RBFOX1: variants seen among roughly 807,000 people sequenced by gnomAD.
The protein encoded by RBFOX1 is RNA binding protein fox-1 homolog 1.
A neutral mutation model predicts 57.7 loss-of-function variants in RBFOX1; 8 were observed. The observed-to-expected ratio is 0.14, with a 90% CI of 0.08 to 0.25. RBFOX1 has a LOEUF of 0.25. Ranked by LOEUF, RBFOX1 falls within the 10% of genes least tolerant of loss-of-function variation. RBFOX1 has a pLI of 1.00. For missense variants in RBFOX1, 611 were observed against 548.5 expected (o/e 1.11, Z -1.14); for synonymous variants, 326 against 222.4 (o/e 1.47, Z -4.15).
chr16:6,709,687 T>C (rs2063385974), intron 3 of RBFOX1, among the ~76,000 whole-genome samples: 1 of 152,100 alleles, frequency 6.6e-6, no homozygotes, highest in Non-Finnish European at 1.5e-5. Flanking sequence ...TGCTGAAGGG[T>C]TTATTGTAAT....
At chr16:7,085,200 T>C (rs997285855) in intron 4 of RBFOX1, among the ~76,000 whole-genome samples, 5 of 152,066 alleles carry the variant, frequency 3.3e-5, no homozygotes, top group African/African-American at 1.2e-4. Context: ...GGAAAATTGG[T>C]TATTCTACTT....
intron 1 of RBFOX1, among the ~76,000 whole-genome samples, chr16:5,250,172 G>A (rs1458815293): frequency 2.6e-5 from 4 of 151,922 alleles, no homozygotes; most frequent in African/African-American, 9.7e-5. Context: ...AAAACAAAAA[G>A]CAAAACTTCC....
At chr16:5,378,177 A>T (rs2066036645) in intron 1 of RBFOX1, among the ~76,000 whole-genome samples, 1 of 151,636 alleles carries the variant, frequency 6.6e-6, no homozygotes, top group African/African-American at 2.4e-5. Context: ...TTTCTGGAAT[A>T]TTCAGCAACA....
intron 14 of RBFOX1, among the ~76,000 whole-genome samples, chr16:7,707,213 G>A (rs568574305): frequency 2.0e-5 from 3 of 152,292 alleles, no homozygotes; most frequent in African/African-American, 7.2e-5. Context: ...GTTGGAAGAT[G>A]CCCAGTGCAA....
At chr16:5,850,037 CT>C (rs2056853923) in intron 3 of RBFOX1, among the ~76,000 whole-genome samples, 3 of 152,120 alleles carry the variant, frequency 2.0e-5, no homozygotes, top group Admixed American at 2.0e-4. Flanking sequence ...TTTGAAACAC[CT>C]TCTGTCTCCA....
chr16:5,703,172 A>C (rs1258673787), intron 3 of RBFOX1, among the ~76,000 whole-genome samples: 1 of 152,234 alleles, frequency 6.6e-6, no homozygotes, highest in Non-Finnish European at 1.5e-5. Flanking sequence ...GTATAATTGC[A>C]ACTTTGCTAT....
At chr16:7,481,662 C>T (rs1567412109) in intron 4 of RBFOX1, among the ~76,000 whole-genome samples, 2 of 152,150 alleles carry the variant, frequency 1.3e-5, no homozygotes, top group South Asian at 4.2e-4. Flanking sequence ...CTTGTACCAA[C>T]CTTATAAGAA....
chr16:5,661,806 G>A (rs1474409969), intron 3 of RBFOX1, among the ~76,000 whole-genome samples: 1 of 151,810 alleles, frequency 6.6e-6, no homozygotes, highest in African/African-American at 2.4e-5. Context: ...TTTTTTTTGA[G>A]ATGGAGTCTC....
At chr16:7,596,350 A>T (rs1488574105) in intron 8 of RBFOX1, among the ~76,000 whole-genome samples, 1 of 151,788 alleles carries the variant, frequency 6.6e-6, no homozygotes. Context: ...ACATAGCCAC[A>T]GGGTCATATT....
intron 3 of RBFOX1, among the ~76,000 whole-genome samples, chr16:6,665,824 C>G (rs367688322): frequency 1.3e-5 from 2 of 152,038 alleles, no homozygotes; most frequent in South Asian, 2.1e-4. Context: ...AAGACAGATA[C>G]AATATTTATC....
At chr16:6,614,469 G>A (rs1204427652) in intron 2 of RBFOX1, among the ~76,000 whole-genome samples, 1 of 152,164 alleles carries the variant, frequency 6.6e-6, no homozygotes, top group African/African-American at 2.4e-5. Context: ...ATCTTTACCG[G>A]GACAGGACAA....
intron 4 of RBFOX1, among the ~76,000 whole-genome samples, chr16:7,165,741 T>G (rs1198491456): frequency 6.6e-6 from 1 of 152,068 alleles, no homozygotes; most frequent in East Asian, 1.9e-4. Flanking sequence ...TCTCCTGGAA[T>G]GATTAGATTT....
At chr16:6,142,504 A>G (rs1018233637) in intron 1 of RBFOX1, among the ~76,000 whole-genome samples, 1 of 152,094 alleles carries the variant, frequency 6.6e-6, no homozygotes, top group East Asian at 1.9e-4. Flanking sequence ...TACAGGCGTG[A>G]GCCACCATGC....
intron 4 of RBFOX1, among the ~76,000 whole-genome samples, chr16:5,976,415 C>G (rs1393179394): frequency 6.6e-6 from 1 of 152,188 alleles, no homozygotes; most frequent in African/African-American, 2.4e-5. Context: ...AATTACCAAA[C>G]TATTTGGCCT....
chr16:6,256,740 C>G (rs1318161892), intron 1 of RBFOX1, among the ~76,000 whole-genome samples: 1 of 152,036 alleles, frequency 6.6e-6, no homozygotes, highest in Non-Finnish European at 1.5e-5. Flanking sequence ...CAGTGTCTTC[C>G]TCTCCCGTTT....
chr16:7,346,340 A>G (rs1331930736), intron 4 of RBFOX1, among the ~76,000 whole-genome samples: 3 of 151,728 alleles, frequency 2.0e-5, no homozygotes, highest in African/African-American at 4.8e-5. Context: ...GCAGAGGAGC[A>G]TTCTACCCAA....
At chr16:7,654,026 A>T (rs1198632603) in intron 12 of RBFOX1, 79 bp downstream of exon 12, 1 of 1,404,596 alleles carries the variant, frequency 7.1e-7, no homozygotes, top group Non-Finnish European at 9.3e-7. Context: ...TTGCGAGCGC[A>T]TGATGGTCTT....
rs1386006783 is a variant in RBFOX1 at position 7,199,614 on chromosome 16, G to A, written c.27+147516G>A. ...GGGATGAAATTAGACAAAAAGGCTG[G>A]GCAGTGCAGTAGCTCACGCCTGTAA... On this transcript the variant is annotated intron_variant, in intron 4 of 15. Coordinates refer to ENST00000550418, the MANE Select transcript of RBFOX1 (RefSeq NM_018723.4). 2.0e-5 allele frequency among the ~76,000 whole-genome samples: 3 copies of A among 152,118 alleles called. No individual in the cohort carries two copies. The East Asian group carries it at 5.8e-4, about 29-fold the overall frequency.
intron 4 of RBFOX1, among the ~76,000 whole-genome samples, chr16:5,916,719 C>T (rs144901145): frequency 6.6e-6 from 1 of 152,252 alleles, no homozygotes; most frequent in East Asian, 1.9e-4. Flanking sequence ...GCCGGGTCAG[C>T]ACCACCCCCC....
Sources: allele counts gnomAD v4.1 joint callset (sites outside exome capture counted in the v4.1 genomes callset), GRCh38; gene constraint gnomAD v4.1.1; transcripts MANE v1.5; gene names NCBI Gene and HGNC (gene_info 2026-07-23, HGNC 2026-07-21).